The following RBM27 variants were observed in gnomAD, a reference collection of about 807,000 sequenced individuals.
RBM27 encodes RNA binding motif protein 27, also known as RNA-binding protein 27.
A neutral mutation model predicts 135.3 loss-of-function variants in RBM27; 22 were observed. The observed-to-expected ratio is 0.16, with a 90% CI of 0.12 to 0.23. The LOEUF (loss-of-function observed/expected upper bound fraction) is 0.23, where lower values mean the gene tolerates loss of function less well. Among genes scored for constraint, RBM27 ranks in the 10% least tolerant of loss-of-function variants. The pLI, the probability that RBM27 is intolerant of heterozygous loss-of-function variation, is 1.00. For missense variants in RBM27, 1,009 were observed against 1,281.0 expected, an observed-to-expected ratio of 0.79 and a Z score of 3.24; for synonymous variants, 481 against 442.4, an observed-to-expected ratio of 1.09 and a Z score of -1.10.
chr5:146,259,634 TTC>T (rs1449170662), intron 11 of RBM27, among the ~76,000 whole-genome samples: 1 of 152,104 alleles, frequency 6.6e-6, no homozygotes, highest in Non-Finnish European at 1.5e-5. Context: ...GTTGGGCCTT[TTC>T]TTTTTGTAAT....
intron 19 of RBM27, among the ~76,000 whole-genome samples, chr5:146,274,217 T>TA (rs201291483): frequency 0.017 from 2,497 of 150,862 alleles, 86 homozygotes; most frequent in African/African-American, 0.058. Flanking sequence ...GAGGAACACA[T>TA]ACTCCTTTTT....
In RBM27 at chr5:146,239,472, C is replaced by CTTT. The variant is rs916182587; in HGVS notation, c.1279+2061_1279+2063dup. Among the ~76,000 whole-genome samples, 143 of 55,332 alleles carry CTTT rather than the reference C, an allele frequency of 2.6e-3. 1 individual carries two copies. Among genetic ancestry groups the CTTT allele is most frequent in the African/African-American group, 3.3e-3 (52 of 15,712 alleles). The allele number at this position is 55,332 out of a possible 152,430, so 36.3% of individuals were successfully genotyped here. On this transcript the variant is annotated intron_variant, in intron 8 of 20. Transcript: ENST00000265271. ...CTAACTCCTTTTTTTTTTTCCTTTT[C>CTTT]TTTTTTTTTTTTTTTTTTTTTTTGA...
intron 8 of RBM27, among the ~76,000 whole-genome samples, chr5:146,238,383 C>G (rs1014894449): frequency 6.6e-6 from 1 of 152,136 alleles, no homozygotes; most frequent in Non-Finnish European, 1.5e-5. Context: ...TGGAGCATGC[C>G]TGTAGTCCCA....
Position 146,209,306 on chromosome 5 carries a change from C to A in RBM27, c.59+5482C>A, listed in dbSNP as rs1355950654. Among the ~76,000 whole-genome samples the A allele has an allele frequency of 2.6e-5, 4 of 152,164 alleles. No homozygotes were observed. The East Asian group carries it at 7.7e-4, about 29-fold the overall frequency. ...AAATAATAATCAGTCTATTACAAGACAGACTAGAGTCTCATTGCAGGTCCT... is the reference window on the plus strand; with the variant it reads ...AAATAATAATCAGTCTATTACAAGAAAGACTAGAGTCTCATTGCAGGTCCT... On this transcript the variant is annotated intron_variant, in intron 1 of 20. Coordinates refer to ENST00000265271, the MANE Select transcript of RBM27 (RefSeq NM_018989.2).
At chr5:146,256,660 A>G (rs1231504923) in intron 10 of RBM27, among the ~76,000 whole-genome samples, 2 of 151,984 alleles carry the variant, frequency 1.3e-5, no homozygotes, top group East Asian at 1.9e-4. Flanking sequence ...AGCCTCATAT[A>G]TATTATTGTC....
At chr5:146,252,181 T>A (rs969300596) in intron 9 of RBM27, among the ~76,000 whole-genome samples, 6 of 152,240 alleles carry the variant, frequency 3.9e-5, no homozygotes, top group Admixed American at 3.9e-4. Context: ...TCTACTTGAA[T>A]GTTTTCTAAT....
At chr5:146,250,716 A>G (rs1430497776) in intron 8 of RBM27, among the ~76,000 whole-genome samples, 1 of 144,612 alleles carries the variant, frequency 6.9e-6, no homozygotes. Context: ...AATATCCAGG[A>G]TAATTTCATG....
intron 11 of RBM27, 53 bp from the exon 12 acceptor site, chr5:146,260,692 T>C: frequency 6.8e-7 from 1 of 1,466,568 alleles, no homozygotes; most frequent in Non-Finnish European, 9.2e-7. Flanking sequence ...TTATATCTCT[T>C]TGCTAGGCAT....
At chr5:146,205,509 C>T (rs1362369894) in intron 1 of RBM27, among the ~76,000 whole-genome samples, 1 of 151,952 alleles carries the variant, frequency 6.6e-6, no homozygotes, top group Non-Finnish European at 1.5e-5. Flanking sequence ...CAAGCTACTT[C>T]CCTGTTGATC....
intron 19 of RBM27, among the ~76,000 whole-genome samples, chr5:146,276,800 A>G (rs915093765): frequency 6.6e-6 from 1 of 152,182 alleles, no homozygotes. Context: ...CCTGCCTGTA[A>G]TCCCAGCACT....
chr5:146,272,089 C>T (rs1444584888), intron 19 of RBM27, among the ~76,000 whole-genome samples: 3 of 152,180 alleles, frequency 2.0e-5, no homozygotes, highest in Non-Finnish European at 2.9e-5. Flanking sequence ...TAGAGATTTG[C>T]TACAGGCAAA....
At chr5:146,241,298 TA>T (rs1465163627) in intron 8 of RBM27, among the ~76,000 whole-genome samples, 1 of 152,236 alleles carries the variant, frequency 6.6e-6, no homozygotes, top group Non-Finnish European at 1.5e-5. Flanking sequence ...CTTAGCTTAA[TA>T]AATAAATTAA....
intron 3 of RBM27, among the ~76,000 whole-genome samples, chr5:146,226,852 G>A (rs1302002779): frequency 6.6e-6 from 1 of 152,110 alleles, no homozygotes; most frequent in African/African-American, 2.4e-5. Context: ...CTAAGTTTTA[G>A]AAAATTACAT....
chr5:146,282,491 A>G (rs1281144096), intron 19 of RBM27, among the ~76,000 whole-genome samples: 1 of 152,194 alleles, frequency 6.6e-6, no homozygotes, highest in Non-Finnish European at 1.5e-5. Context: ...AAATATTGGG[A>G]AAAAAATGAA....
intron 8 of RBM27, 75 bp downstream of exon 8, chr5:146,237,507 TA>T (rs1192576890): frequency 1.1e-4 from 153 of 1,430,388 alleles, no homozygotes; most frequent in Non-Finnish European, 1.1e-4. Context: ...TATAACCCTT[TA>T]AAAAATGGTA....
At chr5:146,254,902 C>T (rs766171951) in intron 9 of RBM27, 41 bp from the exon 10 acceptor site, 2 of 1,466,848 alleles carry the variant, frequency 1.4e-6, no homozygotes, top group Non-Finnish European at 1.8e-6. Context: ...TTTAACCTCT[C>T]TCTGATTTGT....
intron 2 of RBM27, among the ~76,000 whole-genome samples, chr5:146,221,031 CAG>C (rs1756442183): frequency 1.3e-5 from 2 of 151,476 alleles, no homozygotes; most frequent in Non-Finnish European, 2.9e-5. Context: ...TCCTGGCTAA[CAG>C]GGTGAAAACC....
Position 146,288,094 on chromosome 5 carries a change from A to G in RBM27, c.*2064A>G, listed in dbSNP as rs1759653950. The G allele has an allele frequency of 1.3e-5, 2 of 151,936 alleles. No homozygotes were observed. The highest frequency in any genetic ancestry group is 3.8e-4 in the East Asian group (2 of 5,198). The allele number at this position is 151,936 out of a possible 1,614,324, so 9.4% of individuals were successfully genotyped here. Reference sequence around the variant, plus strand: ...TTTTGTGTACTAAAACTACCAGCGTATAGATTTCAATAAGAATTGTTGTAT... The same window carrying G: ...TTTTGTGTACTAAAACTACCAGCGTGTAGATTTCAATAAGAATTGTTGTAT... On this transcript the variant is annotated 3_prime_UTR_variant, in exon 21 of 21. Transcript: ENST00000265271.
intron 11 of RBM27, 21 bp downstream of exon 11, chr5:146,258,614 G>A (rs1479639576): frequency 2.5e-5 from 39 of 1,543,060 alleles, no homozygotes; most frequent in Non-Finnish European, 3.4e-5. Context: ...TTGCTAATTA[G>A]TAGCATCTAA....
Sources: gnomAD v4.1 joint callset for allele counts (sites outside exome capture counted in the v4.1 genomes callset) on GRCh38, gnomAD v4.1.1 for gene constraint, MANE v1.5 for transcripts, NCBI Gene and HGNC (gene_info 2026-07-23, HGNC 2026-07-21) for gene names.